The following DLGAP1 variants were observed in gnomAD, a reference collection of about 807,000 sequenced individuals.
DLGAP1 encodes the protein disks large-associated protein 1.
Under a neutral mutation model 90.8 loss-of-function variants are expected in DLGAP1, and 11 were observed. The ratio of observed to expected loss-of-function variants is 0.12; its 90% CI spans 0.08 to 0.20. The LOEUF is 0.20. Ranked by LOEUF, DLGAP1 falls within the 10% of genes least tolerant of loss-of-function variation. The pLI is 1.00. For missense variants in DLGAP1, 1,050 were observed against 1,333.8 expected (o/e 0.79, Z 3.31); for synonymous variants, 558 against 540.7 (o/e 1.03, Z -0.44).
chr18:3,622,987 T>C (rs1445713155), intron 7 of DLGAP1, among the ~76,000 whole-genome samples: 1 of 152,004 alleles, frequency 6.6e-6, no homozygotes, highest in East Asian at 1.9e-4. Flanking sequence ...GTATTTTTAG[T>C]AGAGAAGGGG....
intron 1 of DLGAP1, among the ~76,000 whole-genome samples, chr18:4,205,534 G>A (rs114272123): frequency 0.01 from 1,563 of 152,166 alleles, 19 homozygotes; most frequent in African/African-American, 0.035. Context: ...ATTCTGTCAC[G>A]CAGGCCAGCA....
rs751521339 is a variant in DLGAP1 at position 3,729,273 on chromosome 18, C to T, written c.1453G>A (p.Gly485Ser). The T allele has an allele frequency of 1.9e-6, 3 of 1,613,936 alleles. No homozygotes were observed. The highest frequency in any genetic ancestry group is 2.5e-6 in the Non-Finnish European group (3 of 1,179,980). The change falls in exon 7 of 13, where the codon GGC (glycine) becomes AGC (serine). Residue 485 changes from glycine to serine, a missense_variant. This residue lies in a region of DLGAP1 where 565 missense variants were observed against 879.7 expected (regional missense o/e 0.64). Coordinates refer to ENST00000315677, the MANE Select transcript of DLGAP1 (RefSeq NM_004746.4). This position sits in a 1 kb window ranked among gnomAD's most constrained non-coding sequence, Gnocchi z 6.2. ...AVEALDLPMPGCFRMRSHSYV... is the reference protein window; with the variant it reads ...AVEALDLPMPSCFRMRSHSYV... ...CTGTGGCTCCGCATGCGGAAGCAGC[C>T]GGGCATGGGCAGGTCCAGCGCTTCC...
chr18:3,609,408 T>G (rs1390546330), intron 7 of DLGAP1, among the ~76,000 whole-genome samples: 1 of 152,176 alleles, frequency 6.6e-6, no homozygotes, highest in Non-Finnish European at 1.5e-5. Flanking sequence ...AATTTGCTTA[T>G]TTTTCTGTTA....
chr18:4,338,447 C>T lies in DLGAP1; in HGVS notation c.-267+116559G>A, dbSNP rs562979093. ...AAATTTTCAAAGGCCTTTTATTATC[C>T]TTGTAACACAGGTTTGTTAAATGAC... is the stretch of plus-strand genomic sequence containing the variant. On this transcript the variant is annotated intron_variant, in intron 1 of 12. Coordinates refer to ENST00000315677, the MANE Select transcript of DLGAP1 (RefSeq NM_004746.4). Among the ~76,000 whole-genome samples, 9 of 152,188 alleles carry T rather than the reference C, an allele frequency of 5.9e-5. No homozygotes were observed. The South Asian group carries it at 1.9e-3, about 32-fold the overall frequency.
At chr18:4,036,351 T>C (rs1003156544) in intron 2 of DLGAP1, among the ~76,000 whole-genome samples, 4 of 152,224 alleles carry the variant, frequency 2.6e-5, no homozygotes, top group Non-Finnish European at 5.9e-5. Flanking sequence ...GAGCATTTAA[T>C]TAAAACTCTT....
At chr18:3,924,188 A>G (rs1328912727) in intron 3 of DLGAP1, among the ~76,000 whole-genome samples, 1 of 152,238 alleles carries the variant, frequency 6.6e-6, no homozygotes, top group Non-Finnish European at 1.5e-5. Flanking sequence ...TATTAGCTAC[A>G]TCGCCATAGA....
intron 7 of DLGAP1, among the ~76,000 whole-genome samples, chr18:3,598,879 C>T (rs894060417): frequency 3.3e-5 from 5 of 152,116 alleles, no homozygotes; most frequent in African/African-American, 1.2e-4. Context: ...CTCACTGCAA[C>T]CTTCTGCCTC....
At chr18:4,391,490 T>C (rs1416658175) in intron 1 of DLGAP1, among the ~76,000 whole-genome samples, 27 of 152,182 alleles carry the variant, frequency 1.8e-4, no homozygotes. Flanking sequence ...AAATGCCGAG[T>C]AATATTCACC....
At chr18:3,674,311 ATG>A (rs199847589) in intron 7 of DLGAP1, among the ~76,000 whole-genome samples, 4,063 of 139,702 alleles carry the variant, frequency 0.029, 238 homozygotes, top group African/African-American at 0.11. Context: ...ATATATATAT[ATG>A]TATATTTTAA....
chr18:4,029,288 TA>T (rs2074754062), intron 2 of DLGAP1, among the ~76,000 whole-genome samples: 1 of 152,254 alleles, frequency 6.6e-6, no homozygotes, highest in Non-Finnish European at 1.5e-5. Context: ...AGATCTTGGC[TA>T]TTATGAATAG....
At chr18:3,595,374 T>A (rs556482247) in intron 7 of DLGAP1, among the ~76,000 whole-genome samples, 2 of 152,296 alleles carry the variant, frequency 1.3e-5, no homozygotes, top group South Asian at 4.1e-4. Flanking sequence ...AATCTGGACT[T>A]CTATTGAAGT....
chr18:3,829,896 C>T (rs1485855617), intron 4 of DLGAP1, among the ~76,000 whole-genome samples: 6 of 152,128 alleles, frequency 3.9e-5, no homozygotes, highest in Admixed American at 1.3e-4. Context: ...GACAGGAATT[C>T]GGGTGGGCAG....
chr18:4,349,046 T>C (rs1243696143), intron 1 of DLGAP1, among the ~76,000 whole-genome samples: 1 of 152,140 alleles, frequency 6.6e-6, no homozygotes. Context: ...TCTTTCACCA[T>C]AAGATCCTTA....
chr18:3,580,344 G>A (rs2055417761), intron 8 of DLGAP1: 4 of 1,613,944 alleles, frequency 2.5e-6, no homozygotes, highest in East Asian at 4.5e-5. Context: ...GCGAAATGTA[G>A]TTTTGCCACA....
At chr18:3,998,900 A>T (rs1460707995) in intron 3 of DLGAP1, among the ~76,000 whole-genome samples, 1 of 152,160 alleles carries the variant, frequency 6.6e-6, no homozygotes, top group Non-Finnish European at 1.5e-5. Flanking sequence ...TTTTACGGTC[A>T]CTTGGGAATA....
intron 4 of DLGAP1, among the ~76,000 whole-genome samples, chr18:3,818,346 G>GTTTT (rs398031872): frequency 1.5e-4 from 10 of 66,510 alleles, no homozygotes; most frequent in Admixed American, 2.0e-4. Flanking sequence ...TGTAGGGATG[G>GTTTT]TTTTTTTTTT....
chr18:3,884,432 G>A (rs1323393243), intron 3 of DLGAP1, among the ~76,000 whole-genome samples: 1 of 152,136 alleles, frequency 6.6e-6, no homozygotes, highest in African/African-American at 2.4e-5. Context: ...TGAATCTTGG[G>A]TAGATATTTT....
rs2079089263 is a variant in DLGAP1, at chr18:4,265,369, CTG to C, written c.-266-114084_-266-114083del. Among the ~76,000 whole-genome samples, 3 of 151,966 alleles carry C rather than the reference CTG, an allele frequency of 2.0e-5. No homozygotes were observed. The South Asian group carries it at 6.2e-4, about 32-fold the overall frequency. ...TATTTTTAGTAGAGACCGGGTTTCA[CTG>C]TGTTAGCCATGATGGTCTCAACCTC... is the stretch of plus-strand genomic sequence containing the variant. On this transcript the variant is annotated intron_variant, in intron 1 of 12. Coordinates refer to ENST00000315677, the MANE Select transcript of DLGAP1 (RefSeq NM_004746.4).
Position 4,265,631 on chromosome 18 carries a change from C to T in DLGAP1, c.-266-114344G>A, listed in dbSNP as rs181225296. ...TCCTTCCTTCCCTCCCTCCCCTTCC[C>T]TCCCTCCCCTTCCCTCCCTCCCTCC... On this transcript the variant is annotated intron_variant, in intron 1 of 12. Coordinates refer to ENST00000315677, the MANE Select transcript of DLGAP1 (RefSeq NM_004746.4). Among the ~76,000 whole-genome samples, 67 of 53,178 alleles carry T rather than the reference C, an allele frequency of 1.3e-3. 3 individuals are homozygous for T. Among genetic ancestry groups the T allele is most frequent in the African/African-American group, 3.6e-3 (23 of 6,356 alleles). The allele number at this position is 53,178 out of a possible 152,430, so 34.9% of individuals were successfully genotyped here. A position where few individuals can be genotyped will look rare whatever the true frequency, so the allele number is the denominator to read the frequency against.
Sources: gnomAD v4.1 joint callset for allele counts (sites outside exome capture counted in the v4.1 genomes callset) on GRCh38, gnomAD v4.1.1 for gene constraint, gnomAD v4.1.1 regional missense constraint, Gnocchi (gnomAD v3.1) non-coding constraint, MANE v1.5 for transcripts, NCBI Gene and HGNC (gene_info 2026-07-23, HGNC 2026-07-21) for gene names.